Variants in DPP10 observed in about 807,000 individuals in gnomAD.
DPP10 encodes dipeptidyl peptidase like 10.
Under a neutral mutation model 120.9 loss-of-function variants are expected in DPP10, and 33 were observed. That is an observed-to-expected ratio of 0.27 (90% CI 0.21 to 0.37). DPP10 has a LOEUF of 0.37. Ranked by LOEUF, DPP10 falls within the 10% of genes least tolerant of loss-of-function variation. The pLI, the probability that DPP10 is intolerant of heterozygous loss-of-function variation, is 1.00. For missense variants in DPP10, 816 were observed against 942.8 expected (o/e 0.87, Z 1.76); for synonymous variants, 337 against 326.1 (o/e 1.03, Z -0.36).
intron 1 of DPP10, among the ~76,000 whole-genome samples, chr2:115,244,275 GA>G (rs2058431748): frequency 3.5e-5 from 4 of 113,446 alleles, no homozygotes; most frequent in Non-Finnish European, 7.8e-5. Context: ...GAGAGAGAGA[GA>G]GAGAGACATA....
chr2:114,795,061 T>G (rs1192863691), intron 1 of DPP10, among the ~76,000 whole-genome samples: 5 of 152,204 alleles, frequency 3.3e-5, no homozygotes, highest in Non-Finnish European at 7.3e-5. Context: ...GACTTGAAAT[T>G]TTTTAAACTT....
At chr2:114,769,781 A>T (rs1681085678) in intron 1 of DPP10, among the ~76,000 whole-genome samples, 1 of 152,206 alleles carries the variant, frequency 6.6e-6, no homozygotes. Flanking sequence ...ACACACATAC[A>T]CACATACACA....
At chr2:115,112,878 T>C (rs2104690395) in intron 1 of DPP10, among the ~76,000 whole-genome samples, 1 of 152,328 alleles carries the variant, frequency 6.6e-6, no homozygotes, top group African/African-American at 2.4e-5. Context: ...GTCTGTGCTG[T>C]AGATAATTTC....
intron 1 of DPP10, among the ~76,000 whole-genome samples, chr2:114,519,660 T>C (rs1235776126): frequency 6.6e-6 from 1 of 152,220 alleles, no homozygotes; most frequent in East Asian, 1.9e-4. Flanking sequence ...ATTAGCCCAG[T>C]TCTAAATCCA....
intron 1 of DPP10, among the ~76,000 whole-genome samples, chr2:115,201,776 A>G (rs1477602737): frequency 6.6e-6 from 1 of 152,116 alleles, no homozygotes; most frequent in Non-Finnish European, 1.5e-5. Flanking sequence ...GCAGTAAGAG[A>G]GTGAAGGCTT....
chr2:115,159,021 C>A (rs1452943277), intron 1 of DPP10, among the ~76,000 whole-genome samples: 1 of 151,690 alleles, frequency 6.6e-6, no homozygotes, highest in Admixed American at 6.6e-5. Context: ...TTGACTCTCC[C>A]ACTAAAATTT....
rs1472103633 is a variant in DPP10, at chr2:115,791,272, C to CTT, written c.1631-14_1631-13insTT. ...ATGACTCTCCATCTTTAATATTTTGCTCTTTCTTTAAAAGAACTTCCTTTA... is the reference window on the plus strand; with the variant it reads ...ATGACTCTCCATCTTTAATATTTTGCTTTCTTTCTTTAAAAGAACTTCCTTTA... On this transcript the variant is annotated splice_polypyrimidine_tract_variant and intron_variant, in intron 18 of 25. Coordinates refer to ENST00000410059, the MANE Select transcript of DPP10 (RefSeq NM_020868.6). 1 of 1,608,134 alleles carries CTT rather than the reference C, an allele frequency of 6.2e-7. No homozygotes were observed. Among genetic ancestry groups the CTT allele is most frequent in the Middle Eastern group, 1.7e-4 (1 of 5,998 alleles).
chr2:114,876,958 G>T (rs1193130907), intron 1 of DPP10, among the ~76,000 whole-genome samples: 1 of 151,766 alleles, frequency 6.6e-6, no homozygotes, highest in East Asian at 1.9e-4. Flanking sequence ...CTTGTCATCA[G>T]GTTAATTTGC....
At chr2:114,616,028 C>T (rs531478424) in intron 1 of DPP10, among the ~76,000 whole-genome samples, 1 of 152,182 alleles carries the variant, frequency 6.6e-6, no homozygotes, top group African/African-American at 2.4e-5. Flanking sequence ...TTTGAAACAT[C>T]TTCTGTAACT....
intron 2 of DPP10, among the ~76,000 whole-genome samples, chr2:115,328,049 T>C (rs1466731688): frequency 6.6e-6 from 1 of 152,052 alleles, no homozygotes; most frequent in Non-Finnish European, 1.5e-5. Context: ...TCCACAACCA[T>C]ACACCAGAAA....
At chr2:114,490,108 T>C (rs1398955919) in intron 1 of DPP10, among the ~76,000 whole-genome samples, 1 of 152,274 alleles carries the variant, frequency 6.6e-6, no homozygotes, top group East Asian at 1.9e-4. Flanking sequence ...CTTGCAGCAA[T>C]AGCACGGTAG....
At chr2:114,581,735 A>T (rs981629581) in intron 1 of DPP10, among the ~76,000 whole-genome samples, 4 of 152,204 alleles carry the variant, frequency 2.6e-5, no homozygotes, top group Admixed American at 6.5e-5. Flanking sequence ...GTGTAAACTC[A>T]TACTCATGAT....
At chr2:114,717,695 C>G (rs188411161) in intron 1 of DPP10, among the ~76,000 whole-genome samples, 82 of 152,220 alleles carry the variant, frequency 5.4e-4, no homozygotes, top group East Asian at 1.9e-4. Context: ...AAGAAACACC[C>G]AGTACCTCCC....
chr2:115,681,577 A>T (rs1559023400), intron 5 of DPP10, among the ~76,000 whole-genome samples: 2 of 151,828 alleles, frequency 1.3e-5, no homozygotes, highest in Non-Finnish European at 2.9e-5. Flanking sequence ...TAACCAAAAA[A>T]TTTCCATATA....
intron 3 of DPP10, among the ~76,000 whole-genome samples, chr2:115,399,493 A>G (rs1296005474): frequency 6.6e-6 from 1 of 152,132 alleles, no homozygotes; most frequent in Non-Finnish European, 1.5e-5. Flanking sequence ...TTGCAGCCCA[A>G]ATAATCTCAA....
chr2:115,032,532 T>A (rs1703909683), intron 1 of DPP10, among the ~76,000 whole-genome samples: 1 of 152,096 alleles, frequency 6.6e-6, no homozygotes, highest in South Asian at 2.1e-4. Flanking sequence ...CATTTACAAA[T>A]TCCTTCATAG....
chr2:115,173,374 T>A (rs2053489566), intron 1 of DPP10, among the ~76,000 whole-genome samples: 1 of 152,186 alleles, frequency 6.6e-6, no homozygotes, highest in Non-Finnish European at 1.5e-5. Flanking sequence ...CATCATGATA[T>A]AAAATTGCTG....
chr2:115,150,830 A>G (rs1189017163), intron 1 of DPP10, among the ~76,000 whole-genome samples: 2 of 152,242 alleles, frequency 1.3e-5, no homozygotes, highest in East Asian at 3.8e-4. Context: ...AGTCTCATAG[A>G]CAATTTTCAT....
intron 5 of DPP10, among the ~76,000 whole-genome samples, chr2:115,684,848 A>C (rs552968056): frequency 6.6e-6 from 1 of 152,098 alleles, no homozygotes; most frequent in East Asian, 1.9e-4. Context: ...CATGTTTCCA[A>C]AATGAAATCT....
Sources: allele counts gnomAD v4.1 joint callset (sites outside exome capture counted in the v4.1 genomes callset), GRCh38; gene constraint gnomAD v4.1.1; transcripts MANE v1.5; gene names NCBI Gene and HGNC (gene_info 2026-07-23, HGNC 2026-07-21).